Variants in TNKS observed in about 807,000 individuals in gnomAD.
The protein encoded by TNKS is tankyrase, also known as poly [ADP-ribose] polymerase tankyrase-1.
Under a neutral mutation model 135.8 loss-of-function variants are expected in TNKS, and 72 were observed. The ratio of observed to expected loss-of-function variants is 0.53; its 90% CI spans 0.44 to 0.64. TNKS has a LOEUF of 0.64. TNKS is among the 30% of genes least tolerant of loss of function. TNKS has a pLI of 0.00. For synonymous variants in TNKS, 849 were observed against 649.3 expected, an observed-to-expected ratio of 1.31 and a Z score of -4.68; for missense variants, 1,769 against 1,674.0, an observed-to-expected ratio of 1.06 and a Z score of -0.99.
chr8:9,693,994 C>G (rs556483883), intron 5 of TNKS, among the ~76,000 whole-genome samples: 1 of 152,236 alleles, frequency 6.6e-6, no homozygotes, highest in South Asian at 2.1e-4. Context: ...TAGAAAGTCC[C>G]AAAGGAGTTG....
chr8:9,723,833 C>T (rs1273304237), intron 12 of TNKS, among the ~76,000 whole-genome samples: 5 of 152,096 alleles, frequency 3.3e-5, no homozygotes, highest in South Asian at 2.1e-4. Context: ...CTTTTAAGTT[C>T]GATCTTGACC....
At chr8:9,771,213 G>C (rs1342826806) in intron 26 of TNKS, among the ~76,000 whole-genome samples, 3 of 146,444 alleles carry the variant, frequency 2.0e-5, no homozygotes, top group East Asian at 4.1e-4. Flanking sequence ...GAGGAAGAGA[G>C]AGAGGAAGGG....
In TNKS at chr8:9,751,866, G is replaced by T; in HGVS notation, c.3070+20G>T. ...GAGAAGGTGAGTAGACCCCATGAATGCTTATTTATTTATACCTTTTGTTAG... is the reference window on the plus strand; with the variant it reads ...GAGAAGGTGAGTAGACCCCATGAATTCTTATTTATTTATACCTTTTGTTAG... On this transcript the variant is annotated intron_variant, in intron 19 of 26. Coordinates refer to ENST00000310430, the MANE Select transcript of TNKS (RefSeq NM_003747.3). 6.2e-7 allele frequency: 1 copy of T among 1,607,322 alleles called. No homozygotes were observed. The highest frequency in any genetic ancestry group is 8.5e-7 in the Non-Finnish European group (1 of 1,174,494).
chr8:9,633,570 C>G (rs545028078), intron 3 of TNKS, among the ~76,000 whole-genome samples: 2 of 152,212 alleles, frequency 1.3e-5, no homozygotes, highest in Non-Finnish European at 2.9e-5. Context: ...ATAGTCCCCT[C>G]CCACATTGTA....
At chr8:9,658,671 A>G (rs1006403270) in intron 3 of TNKS, among the ~76,000 whole-genome samples, 2 of 152,254 alleles carry the variant, frequency 1.3e-5, no homozygotes, top group African/African-American at 4.8e-5. Context: ...AAGAAACTGC[A>G]TCAACTAATG....
At position 9,615,576 on chromosome 8, in the gene TNKS, G is replaced by A. The variant is rs780991363; in HGVS notation, c.899-6G>A. On this transcript the variant is annotated splice_polypyrimidine_tract_variant and splice_region_variant and intron_variant, in intron 2 of 26. Coordinates refer to ENST00000310430, the MANE Select transcript of TNKS (RefSeq NM_003747.3). ...GTAAGATACTGTTTCTGCTTTCCCT[G>A]CACAGTGCTGCTGCAGCACGGAGCT... is the stretch of plus-strand genomic sequence containing the variant. The A allele has an allele frequency of 1.9e-6, 3 of 1,611,312 alleles. No individual in the cohort carries two copies. Among genetic ancestry groups the A allele is most frequent in the Non-Finnish European group, 2.5e-6 (3 of 1,178,632 alleles).
intron 3 of TNKS, among the ~76,000 whole-genome samples, chr8:9,652,709 A>G (rs185511227): frequency 1.3e-5 from 2 of 152,198 alleles, no homozygotes; most frequent in African/African-American, 4.8e-5. Flanking sequence ...TAGTAAATCA[A>G]ATACTTTAAG....
At chr8:9,565,166 C>A (rs757770059) in intron 1 of TNKS, among the ~76,000 whole-genome samples, 1 of 152,092 alleles carries the variant, frequency 6.6e-6, no homozygotes, top group Non-Finnish European at 1.5e-5. Context: ...TCTTGTTTTG[C>A]CAGTTTGTTC....
At chr8:9,679,384 C>G (rs1802676274) in intron 3 of TNKS, among the ~76,000 whole-genome samples, 1 of 152,122 alleles carries the variant, frequency 6.6e-6, no homozygotes, top group Admixed American at 6.5e-5. Context: ...TCACGTATTT[C>G]TAGTCTACAG....
intron 26 of TNKS, among the ~76,000 whole-genome samples, chr8:9,770,772 T>C (rs1807781869): frequency 6.6e-6 from 1 of 152,204 alleles, no homozygotes; most frequent in South Asian, 2.1e-4. Context: ...CCTTCAGTCA[T>C]GGGCAGGGTA....
intron 2 of TNKS, among the ~76,000 whole-genome samples, chr8:9,610,098 A>G (rs543947159): frequency 1.3e-5 from 2 of 152,082 alleles, no homozygotes; most frequent in East Asian, 3.9e-4. Flanking sequence ...ACTTCGTGAT[A>G]TGCTCACCTC....
intron 2 of TNKS, among the ~76,000 whole-genome samples, chr8:9,587,121 G>A (rs193240732): frequency 1.4e-4 from 22 of 152,024 alleles, no homozygotes; most frequent in African/African-American, 4.3e-4. Flanking sequence ...ATGGAATTTT[G>A]GTTGCTAATC....
rs1032824255 is a variant in TNKS at position 9,642,160 on chromosome 8, T to G, written c.994+26483T>G. ...AACTGCAAACCGCTTAGGTAGTCTT[T>G]GCTACCATTCCTAGGTAATTATTTG... On this transcript the variant is annotated intron_variant, in intron 3 of 26. Transcript: ENST00000310430. Among the ~76,000 whole-genome samples the G allele has an allele frequency of 4.8e-5, 7 of 146,292 alleles. 1 individual carries two copies. The East Asian group carries it at 1.5e-3, about 31-fold the overall frequency.
intron 5 of TNKS, among the ~76,000 whole-genome samples, chr8:9,699,803 G>C (rs1803710369): frequency 6.6e-6 from 1 of 152,090 alleles, no homozygotes; most frequent in Non-Finnish European, 1.5e-5. Flanking sequence ...TCTCCACTTA[G>C]TAACTAAAGT....
chr8:9,750,703 G>C (rs1396815142), intron 18 of TNKS, among the ~76,000 whole-genome samples: 1 of 152,070 alleles, frequency 6.6e-6, no homozygotes, highest in Non-Finnish European at 1.5e-5. Context: ...TTTCTCTATT[G>C]CTGCCCACTA....
At chr8:9,604,870 TC>T (rs1258680793) in intron 2 of TNKS, among the ~76,000 whole-genome samples, 1 of 151,952 alleles carries the variant, frequency 6.6e-6, no homozygotes, top group Middle Eastern at 3.2e-3. Context: ...ACTCTCTTTT[TC>T]CTCTGTATAC....
At chr8:9,752,386 T>G (rs1326991731) in intron 19 of TNKS, among the ~76,000 whole-genome samples, 158 bp from the exon 20 acceptor site, 2 of 152,208 alleles carry the variant, frequency 1.3e-5, no homozygotes, top group African/African-American at 4.8e-5. Flanking sequence ...ACTTCAGAAA[T>G]AAAGTGTCTA....
rs56293196 is a variant in TNKS, at chr8:9,715,362, G to T, written c.1750-5012G>T. Among the ~76,000 whole-genome samples, 473 of 150,826 alleles carry T rather than the reference G, an allele frequency of 3.1e-3. 2 individuals are homozygous for T. Among genetic ancestry groups the T allele is most frequent in the Middle Eastern group, 0.011 (3 of 284 alleles). ...AGGAAAGAGGTTGTACTAGCAGCAG[G>T]GGGGGCGGGTATGATCATCTCTGGT... On this transcript the variant is annotated intron_variant, in intron 11 of 26. Coordinates refer to ENST00000310430, the MANE Select transcript of TNKS (RefSeq NM_003747.3).
rs1327819849 is a variant in TNKS at position 9,770,089 on chromosome 8, T to TTTTTC, written c.3741-12_3741-8dup. ...TTAAAGCTTCCTTCAAAGCATTGTT[T>TTTTTC]TTTTCTTTTTCCTTAGACAAATGCT... is the stretch of plus-strand genomic sequence containing the variant. On this transcript the variant is annotated splice_polypyrimidine_tract_variant and intron_variant, in intron 25 of 26. Transcript: ENST00000310430. The TTTTTC allele has an allele frequency of 1.3e-6, 2 of 1,583,026 alleles. No homozygotes were observed. The highest frequency in any genetic ancestry group is 1.7e-6 in the Non-Finnish European group (2 of 1,162,056).
Sources: gnomAD v4.1 joint callset for allele counts (sites outside exome capture counted in the v4.1 genomes callset) on GRCh38, gnomAD v4.1.1 for gene constraint, MANE v1.5 for transcripts, NCBI Gene and HGNC (gene_info 2026-07-23, HGNC 2026-07-21) for gene names.